The following DISP1 variants were observed in gnomAD, a reference collection of about 807,000 sequenced individuals.
DISP1 encodes dispatched RND transporter family member 1.
DISP1 carries 30 observed loss-of-function variants against 37.3 expected under a neutral mutation model. The observed-to-expected ratio is 0.80, with a 90% CI of 0.60 to 1.09. The LOEUF (loss-of-function observed/expected upper bound fraction) is 1.09. Among genes scored for constraint, DISP1 ranks in the 50% least tolerant of loss-of-function variants. DISP1 has a pLI of 0.00. For missense variants in DISP1, 1,598 were observed against 1,879.5 expected (o/e 0.85, Z 2.77); for synonymous variants, 634 against 690.2 (o/e 0.92, Z 1.28).
In DISP1 at chr1:223,004,265, T is replaced by A; in HGVS notation, c.2868T>A (p.Ser956Arg). 6.2e-7 allele frequency: 1 copy of A among 1,613,984 alleles called. No individual in the cohort carries two copies. Among genetic ancestry groups the A allele is most frequent in the Non-Finnish European group, 8.5e-7 (1 of 1,179,970 alleles). The change falls in exon 9 of 9, where the codon AGT becomes AGA. Residue 956 changes from serine to arginine, a missense_variant. Physicochemically the swap from Ser to Arg is moderately radical, Grantham distance 110 (BLOSUM62 -1). Coordinates refer to ENST00000675850, the MANE Select transcript of DISP1 (RefSeq NM_001377229.1). The surrounding 1 kb of genome is among the most constrained non-coding windows in gnomAD (Gnocchi z 4.9). ...EVDSWISSELSSAPEGLSNGW... is the reference protein window; with the variant it reads ...EVDSWISSELRSAPEGLSNGW... The stretch of plus-strand genomic sequence containing the variant: ...ACTCGTGGATATCCAGTGAGCTGAG[T>A]TCGGCCCCTGAAGGCCTCAGCAATG...
chr1:222,955,846 A>G (rs1306389566), intron 3 of DISP1, among the ~76,000 whole-genome samples: 1 of 152,126 alleles, frequency 6.6e-6, no homozygotes, highest in Non-Finnish European at 1.5e-5. Flanking sequence ...TATTTTTTTG[A>G]ATCTTGAAAG....
intron 1 of DISP1, among the ~76,000 whole-genome samples, chr1:222,825,311 A>G (rs1285291708): frequency 1.1e-4 from 17 of 152,216 alleles, no homozygotes; most frequent in Admixed American, 1.1e-3. Context: ...ATATTGATTT[A>G]GCCATTTCAT....
At chr1:222,843,940 T>C (rs1667750472) in intron 1 of DISP1, among the ~76,000 whole-genome samples, 1 of 152,110 alleles carries the variant, frequency 6.6e-6, no homozygotes. Flanking sequence ...TATACCCCTG[T>C]TGAAGTGTGG....
At chr1:222,877,146 G>A (rs1237721196) in intron 1 of DISP1, among the ~76,000 whole-genome samples, 1 of 152,162 alleles carries the variant, frequency 6.6e-6, no homozygotes, top group African/African-American at 2.4e-5. Context: ...ATAAAATGGG[G>A]ATAATAATGT....
chr1:222,974,163 A>C (rs1677151430), intron 3 of DISP1, among the ~76,000 whole-genome samples: 1 of 152,182 alleles, frequency 6.6e-6, no homozygotes, highest in Non-Finnish European at 1.5e-5. Flanking sequence ...TTTGAATGCC[A>C]TTTTTGGATG....
chr1:222,964,345 A>G (rs921272844), intron 3 of DISP1, among the ~76,000 whole-genome samples: 2 of 152,024 alleles, frequency 1.3e-5, no homozygotes, highest in African/African-American at 2.4e-5. Flanking sequence ...AGTTACTAGT[A>G]AGTGGTAGAA....
At position 223,002,526 on chromosome 1, in the gene DISP1, C is replaced by T. The variant is rs780000783; in HGVS notation, c.1129C>T (p.His377Tyr). ...CQKIVERDVS[H>Y]TLKLLRTCAK... is the part of the protein sequence containing the mutation. ...GAAAATAGTTGAGCGAGACGTTTCT[C>T]ATACCTTGAAGCTGCTTCGGACTTG... The change falls in exon 9 of 9, where the codon CAT becomes TAT. Residue 377 changes from histidine (H) to tyrosine (Y), a missense_variant. Physicochemically the swap from His to Tyr is moderately conservative, Grantham distance 83. Coordinates refer to ENST00000675850, the MANE Select transcript of DISP1 (RefSeq NM_001377229.1). 3.1e-6 allele frequency: 5 copies of T among 1,614,190 alleles called. No individual in the cohort carries two copies. In the East Asian group the frequency reaches 8.9e-5, roughly 29 times the overall value.
At chr1:222,975,977 C>T (rs955885120) in intron 3 of DISP1, among the ~76,000 whole-genome samples, 4 of 152,156 alleles carry the variant, frequency 2.6e-5, no homozygotes, top group Non-Finnish European at 2.9e-5. Flanking sequence ...CTACAGCCTG[C>T]GGGAGTGTGT....
At position 223,003,413 on chromosome 1, in the gene DISP1, G is replaced by A. The variant is rs773607769; in HGVS notation, c.2016G>A (p.Lys672=). ...TTAATATATTCACTTGCTTCAAAAA[G>A]CCCCAGCAGCAAATATATGATAACA... ...YLLNIFTCFK[K]PQQQIYDNKS... The change falls in exon 9 of 9, where the codon AAG becomes AAA. Residue 672 remains lysine (K), a synonymous_variant. Coordinates refer to ENST00000675850, the MANE Select transcript of DISP1 (RefSeq NM_001377229.1). The surrounding 1 kb of genome is among the most constrained non-coding windows in gnomAD (Gnocchi z 4.3). The A allele has an allele frequency of 2.5e-6, 4 of 1,614,078 alleles. No individual in the cohort carries two copies. The highest frequency in any genetic ancestry group is 1.1e-5 in the South Asian group (1 of 91,086).
chr1:222,993,715 A>G (rs1211909930), intron 7 of DISP1, among the ~76,000 whole-genome samples: 1 of 152,204 alleles, frequency 6.6e-6, no homozygotes, highest in African/African-American at 2.4e-5. Flanking sequence ...AAGTATTAGT[A>G]TATATTATTG....
intron 2 of DISP1, among the ~76,000 whole-genome samples, chr1:222,932,143 C>T (rs1223541602): frequency 6.6e-6 from 1 of 151,894 alleles, no homozygotes; most frequent in Non-Finnish European, 1.5e-5. Context: ...TTTTGAGTGG[C>T]AGTTGCTTGC....
At chr1:222,970,019 G>A (rs887587408) in intron 3 of DISP1, among the ~76,000 whole-genome samples, 31 of 152,150 alleles carry the variant, frequency 2.0e-4, no homozygotes, top group Admixed American at 6.5e-5. Context: ...AAAGAGGGGC[G>A]TATATTGCCT....
rs1679562801 is a variant in DISP1, at chr1:223,002,804, G to A, written c.1407G>A (p.Leu469=). ...EKGESMMNIY[L]DNFENWNSSD... ...GGGAGAGCATGATGAACATTTACTT[G>A]GACAACTTTGAAAACTGGAACTCTT... The change falls in exon 9 of 9, where the codon TTG becomes TTA. Residue 469 remains leucine, a synonymous_variant. Coordinates refer to ENST00000675850, the MANE Select transcript of DISP1 (RefSeq NM_001377229.1). The A allele has an allele frequency of 1.9e-6, 3 of 1,613,866 alleles. No individual in the cohort carries two copies. The highest frequency in any genetic ancestry group is 2.7e-5 in the African/African-American group (2 of 74,876).
rs558380728 is a variant in DISP1, at chr1:222,849,415, G to C, written c.-159+34337G>C. On this transcript the variant is annotated intron_variant, in intron 1 of 8. Transcript: ENST00000675850. ...CTAAACCTAGTATTTATACAAAAAAGGCTGTCTAAATGAAAACCACATTGA... is the reference window on the plus strand; with the variant it reads ...CTAAACCTAGTATTTATACAAAAAACGCTGTCTAAATGAAAACCACATTGA... Among the ~76,000 whole-genome samples the C allele has an allele frequency of 1.7e-3, 260 of 152,078 alleles. 3 individuals carry two copies. The highest frequency in any genetic ancestry group is 5.9e-3 in the African/African-American group (246 of 41,508).
At chr1:222,930,866 T>A (rs1303942676) in intron 2 of DISP1, among the ~76,000 whole-genome samples, 2 of 152,076 alleles carry the variant, frequency 1.3e-5, no homozygotes, top group Non-Finnish European at 2.9e-5. Flanking sequence ...CTTCTAAGCT[T>A]GAAGCAAATC....
chr1:222,937,944 G>A (rs2125479618), intron 2 of DISP1, among the ~76,000 whole-genome samples: 1 of 152,064 alleles, frequency 6.6e-6, no homozygotes, highest in East Asian at 1.9e-4. Context: ...TGTGTCTCAA[G>A]CTCACCACAA....
At chr1:222,842,030 A>G (rs1157172762) in intron 1 of DISP1, among the ~76,000 whole-genome samples, 1 of 152,058 alleles carries the variant, frequency 6.6e-6, no homozygotes, top group African/African-American at 2.4e-5. Flanking sequence ...TGTGCTAACT[A>G]TTTTGGTACC....
At chr1:222,883,336 A>T (rs1670383407) in intron 1 of DISP1, among the ~76,000 whole-genome samples, 1 of 152,138 alleles carries the variant, frequency 6.6e-6, no homozygotes, top group Admixed American at 6.5e-5. Flanking sequence ...CAAAATAAAG[A>T]TGGCTGGGCA....
In DISP1 at chr1:222,979,244, C is replaced by T. The variant is rs574295796; in HGVS notation, c.510-3836C>T. Among the ~76,000 whole-genome samples, 3 of 152,112 alleles carry T rather than the reference C, an allele frequency of 2.0e-5. No homozygotes were observed. The East Asian group carries it at 5.8e-4, about 30-fold the overall frequency. ...GCAGCACAGGGAGACCCCACATCTA[C>T]AAATAAAAAATCTAAAAAATTAACT... On this transcript the variant is annotated intron_variant, in intron 3 of 8. Coordinates refer to ENST00000675850, the MANE Select transcript of DISP1 (RefSeq NM_001377229.1).
Sources: allele counts gnomAD v4.1 joint callset (sites outside exome capture counted in the v4.1 genomes callset), GRCh38; gene constraint gnomAD v4.1.1; non-coding constraint Gnocchi (gnomAD v3.1); transcripts MANE v1.5; gene names NCBI Gene and HGNC (gene_info 2026-07-23, HGNC 2026-07-21).